Variants in NPHP1 observed in about 807,000 individuals in gnomAD.
NPHP1 encodes nephrocystin 1.
NPHP1 carries 70 observed loss-of-function variants against 90.4 expected under a neutral mutation model. The ratio of observed to expected loss-of-function variants is 0.77; its 90% confidence interval spans 0.64 to 0.95. The LOEUF (loss-of-function observed/expected upper bound fraction) is 0.95. Among genes scored for constraint, NPHP1 ranks in the 40% least tolerant of loss-of-function variants. The pLI is 0.00. For missense variants in NPHP1, 764 were observed against 795.9 expected (o/e 0.96, Z 0.48); for synonymous variants, 256 against 271.7 (o/e 0.94, Z 0.57).
intron 16 of NPHP1, among the ~76,000 whole-genome samples, chr2:110,135,662 G>A (rs1469292875): frequency 6.6e-6 from 1 of 151,862 alleles, no homozygotes; most frequent in African/African-American, 2.4e-5. Flanking sequence ...CTGTCATTAA[G>A]CATGAGGAAG....
rs566213949 is a variant in NPHP1, at chr2:110,204,677, GGA to G, written c.69+221_69+222del. Among the ~76,000 whole-genome samples the G allele has an allele frequency of 5.4e-3, 824 of 152,182 alleles. 12 individuals are homozygous for G. Among genetic ancestry groups the G allele is most frequent in the African/African-American group, 0.017 (706 of 41,540 alleles). ...GCTTAGTTGATGGTCACGAATTTTG[GGA>G]GGTTTCGCCTTTGGCTGGGGGTTGA... On this transcript the variant is annotated intron_variant, in intron 1 of 19. Transcript: ENST00000445609.
At chr2:110,187,045 C>G (rs975274840) in intron 2 of NPHP1, among the ~76,000 whole-genome samples, 1 of 152,062 alleles carries the variant, frequency 6.6e-6, no homozygotes, top group Non-Finnish European at 1.5e-5. Flanking sequence ...AAATTTATAT[C>G]ACTAAATGCC....
chr2:110,180,090 G>A (rs1356367019), intron 2 of NPHP1, among the ~76,000 whole-genome samples: 1 of 152,098 alleles, frequency 6.6e-6, no homozygotes, highest in African/African-American at 2.4e-5. Context: ...CCTCATTTAA[G>A]CCTCATAACA....
Position 110,139,161 on chromosome 2 carries a change from A to G in NPHP1, c.1529+4381T>C, listed in dbSNP as rs1680443976. The stretch of plus-strand genomic sequence containing the variant: ...ATAATGAAAGTAAAGGAGAAAAAAG[A>G]TGGAATGCATCAAAAAAAAGGATAA... On this transcript the variant is annotated intron_variant, in intron 16 of 19. Transcript: ENST00000445609. Among the ~76,000 whole-genome samples the G allele has an allele frequency of 2.0e-5, 3 of 151,856 alleles. 1 individual carries two copies. The South Asian group carries it at 6.2e-4, about 32-fold the overall frequency.
intron 2 of NPHP1, among the ~76,000 whole-genome samples, chr2:110,200,552 G>A (rs574897657): frequency 6.6e-5 from 10 of 152,114 alleles, no homozygotes; most frequent in Non-Finnish European, 1.5e-4. Flanking sequence ...GACAGAGTGA[G>A]ATTTAGTCTC....
At chr2:110,187,866 A>G (rs1044739554) in intron 2 of NPHP1, among the ~76,000 whole-genome samples, 9 of 152,110 alleles carry the variant, frequency 5.9e-5, no homozygotes, top group African/African-American at 1.9e-4. Context: ...TTCAACATAT[A>G]CAAATTAATA....
intron 2 of NPHP1, among the ~76,000 whole-genome samples, chr2:110,192,493 A>C (rs182600020): frequency 0.01 from 1,556 of 152,282 alleles, 27 homozygotes; most frequent in African/African-American, 0.036. Flanking sequence ...GCCTCCAAGA[A>C]ATATGGGACT....
chr2:110,144,499 T>A lies in NPHP1; in HGVS notation c.1423A>T (p.Arg475Ter), dbSNP rs768697759. 1 of 1,597,136 alleles carries A rather than the reference T, an allele frequency of 6.3e-7. No individual in the cohort carries two copies. Among genetic ancestry groups the A allele is most frequent in the South Asian group, 1.1e-5 (1 of 90,732 alleles). The change falls in exon 15 of 20, where the codon AGA (arginine) becomes TGA (stop). Residue 475 changes from arginine to a stop codon, truncating the protein, a stop_gained. Transcript: ENST00000445609. LOFTEE classifies it high-confidence loss of function. ...KGIEVDPSIS[R>*]RAHGSVFYQI... ...CAACACATGAGAGCCATACCTCTTC[T>A]GGATATTGAAGGGTCCACTTCAATA...
chr2:110,184,470 A>G (rs1209714776), intron 2 of NPHP1: 6 of 791,318 alleles, frequency 7.6e-6, no homozygotes, highest in Non-Finnish European at 1.0e-5. Context: ...TGCTATTTTC[A>G]TCTCCATGTA....
intron 16 of NPHP1, among the ~76,000 whole-genome samples, chr2:110,133,126 TA>T (rs1679909711): frequency 6.6e-6 from 1 of 152,050 alleles, no homozygotes; most frequent in African/African-American, 2.4e-5. Context: ...CAGGATGCAC[TA>T]AAAAAACACG....
At chr2:110,135,070 C>G (rs911778721) in intron 16 of NPHP1, among the ~76,000 whole-genome samples, 1 of 151,934 alleles carries the variant, frequency 6.6e-6, no homozygotes, top group Admixed American at 6.6e-5. Flanking sequence ...ATGAAAAATA[C>G]CTTCAGAATA....
chr2:110,156,327 T>C (rs1681885134), intron 11 of NPHP1, among the ~76,000 whole-genome samples: 1 of 152,110 alleles, frequency 6.6e-6, no homozygotes, highest in Non-Finnish European at 1.5e-5. Flanking sequence ...CTGCACAATC[T>C]CTGTTCTCTT....
chr2:110,134,782 C>A (rs761023258), intron 16 of NPHP1, among the ~76,000 whole-genome samples: 4 of 151,874 alleles, frequency 2.6e-5, no homozygotes, highest in Non-Finnish European at 5.9e-5. Context: ...AATTTGACAC[C>A]CTTTCATGAT....
intron 2 of NPHP1, among the ~76,000 whole-genome samples, chr2:110,195,929 G>T (rs983213175): frequency 6.6e-6 from 1 of 152,136 alleles, no homozygotes; most frequent in African/African-American, 2.4e-5. Context: ...AATAAATGGT[G>T]CTGGGAAAAC....
rs576392896 is a variant in NPHP1, at chr2:110,193,683, A to C, written c.143+7738T>G. On this transcript the variant is annotated intron_variant, in intron 2 of 19. Coordinates refer to ENST00000445609, the MANE Select transcript of NPHP1 (RefSeq NM_001128178.3). ...TAATAGACATCTACAGAACTCTCCA[A>C]CCCAAATCAACAGAATATACATTAT... Among the ~76,000 whole-genome samples, 51 of 152,234 alleles carry C rather than the reference A, an allele frequency of 3.4e-4. 1 individual carries two copies. Among genetic ancestry groups the C allele is most frequent in the Admixed American group, 2.2e-3 (34 of 15,290 alleles).
chr2:110,150,315 TC>T, intron 11 of NPHP1, 59 bp from the exon 12 acceptor site: 4 of 1,513,314 alleles, frequency 2.6e-6, no homozygotes, highest in Non-Finnish European at 3.7e-6. Context: ...TGTCACCATT[TC>T]CATGTCCCAA....
At chr2:110,181,032 C>T (rs889711190) in intron 2 of NPHP1, among the ~76,000 whole-genome samples, 6 of 152,194 alleles carry the variant, frequency 3.9e-5, no homozygotes, top group Non-Finnish European at 8.8e-5. Flanking sequence ...CAGCATTGTT[C>T]CGTGGGCCCC....
chr2:110,149,779 C>T (rs1681329853), intron 12 of NPHP1, among the ~76,000 whole-genome samples: 2 of 152,152 alleles, frequency 1.3e-5, no homozygotes, highest in Non-Finnish European at 2.9e-5. Flanking sequence ...GGTTTAAACC[C>T]ACCTAATGCC....
Position 110,149,484 on chromosome 2 carries a change from G to A in NPHP1, c.1158+698C>T, listed in dbSNP as rs560991719. Among the ~76,000 whole-genome samples the A allele has an allele frequency of 4.9e-4, 74 of 152,232 alleles. 1 individual carries two copies. The highest frequency in any genetic ancestry group is 1.7e-3 in the African/African-American group (72 of 41,538). On this transcript the variant is annotated intron_variant, in intron 12 of 19. Coordinates refer to ENST00000445609, the MANE Select transcript of NPHP1 (RefSeq NM_001128178.3). Reference sequence around the variant, plus strand: ...GTGTGCTCTCGACAAGTCTGGACAGGCACAGCACACAGTTGAGGTGGCTGG... The same window carrying A: ...GTGTGCTCTCGACAAGTCTGGACAGACACAGCACACAGTTGAGGTGGCTGG...
Sources: gnomAD v4.1 joint callset for allele counts (sites outside exome capture counted in the v4.1 genomes callset) on GRCh38, gnomAD v4.1.1 for gene constraint, MANE v1.5 for transcripts, NCBI Gene and HGNC (gene_info 2026-07-23, HGNC 2026-07-21) for gene names.